ATP10B: variants seen among roughly 807,000 people sequenced by gnomAD.
The protein encoded by ATP10B is ATPase phospholipid transporting 10B (putative).
In ATP10B, 122 loss-of-function variants were observed where a neutral mutation model predicts 141.2. That is an observed-to-expected ratio of 0.86 (90% CI 0.75 to 1.00). ATP10B has a LOEUF of 1.00. Among genes scored for constraint, ATP10B ranks in the 50% least tolerant of loss-of-function variants. The pLI, the probability that ATP10B is intolerant of heterozygous loss-of-function variation, is 0.00. For synonymous variants in ATP10B, 685 were observed against 692.0 expected (o/e 0.99, Z 0.16); for missense variants, 1,876 against 1,825.3 (o/e 1.03, Z -0.51).
chr5:160,735,468 C>T (rs1036765483), intron 2 of ATP10B, among the ~76,000 whole-genome samples: 8 of 152,068 alleles, frequency 5.3e-5, no homozygotes, highest in African/African-American at 1.9e-4. Context: ...TCTACATGCA[C>T]CCAACACTGG....
rs555792717 is a variant in ATP10B at position 160,581,573 on chromosome 5, G to A, written c.3750+8019C>T. On this transcript the variant is annotated intron_variant, in intron 24 of 25. Coordinates refer to ENST00000327245, the MANE Select transcript of ATP10B (RefSeq NM_025153.3). ...TGACGAGTGTTTTACTTCCAATTAT[G>A]TGGTCAATTTTAGAATAAGTGTGAT... 5.3e-5 allele frequency among the ~76,000 whole-genome samples: 8 copies of A among 152,274 alleles called. No individual in the cohort carries two copies. The East Asian group carries it at 1.5e-3, about 29-fold the overall frequency.
chr5:160,735,781 T>C (rs1767075197), intron 2 of ATP10B, among the ~76,000 whole-genome samples: 1 of 152,066 alleles, frequency 6.6e-6, no homozygotes, highest in Non-Finnish European at 1.5e-5. Context: ...AAAATTGAAA[T>C]AATATCAAGC....
chr5:160,927,163 T>C, the ATP10B span, among the ~76,000 whole-genome samples: 7 of 152,210 alleles, frequency 4.6e-5, no homozygotes, highest in African/African-American at 1.7e-4. Context: ...ATTCCAAATG[T>C]AGGCCTCTTC....
chr5:160,789,240 C>T (rs994633092), intron 1 of ATP10B, among the ~76,000 whole-genome samples: 1 of 152,082 alleles, frequency 6.6e-6, no homozygotes, highest in African/African-American at 2.4e-5. Context: ...TTTGAACTAA[C>T]ATTAAGTGCT....
intron 2 of ATP10B, among the ~76,000 whole-genome samples, chr5:160,772,268 C>A (rs1262425245): frequency 6.6e-6 from 1 of 152,234 alleles, no homozygotes; most frequent in East Asian, 1.9e-4. Flanking sequence ...CTTTTCTCCA[C>A]AAGCTCTTCT....
intron 3 of ATP10B, among the ~76,000 whole-genome samples, chr5:160,706,479 T>C (rs1329252374): frequency 6.6e-6 from 1 of 152,152 alleles, no homozygotes; most frequent in Non-Finnish European, 1.5e-5. Flanking sequence ...TAGTCAGTAG[T>C]AGAGTTAAAA....
At chr5:160,614,302 G>C (rs1254242045) in intron 17 of ATP10B, 1 of 152,190 alleles carries the variant, frequency 6.6e-6, no homozygotes, top group Non-Finnish European at 1.5e-5. Flanking sequence ...TTGTGTGAAA[G>C]AGAAAATGAA....
At chr5:160,621,034 T>A in intron 14 of ATP10B, 84 bp from the exon 15 acceptor site, 1 of 1,481,750 alleles carries the variant, frequency 6.7e-7, no homozygotes, top group Non-Finnish European at 9.0e-7. Context: ...ATGAAGGTAC[T>A]TTTGCAATAA....
Position 160,606,960 on chromosome 5 carries a change from C to A in ATP10B, c.2965G>T (p.Ala989Ser). 6.2e-7 allele frequency: 1 copy of A among 1,614,154 alleles called. No individual in the cohort carries two copies. The highest frequency in any genetic ancestry group is 8.5e-7 in the Non-Finnish European group (1 of 1,180,000). ...PSKTPSITSE[A>S]VVPEAGLVID... ...ACCAATCCAGCTTCTGGAACCACAGCTTCTGAGGTGATGGATGGTGTCTTG... is the reference window on the plus strand; with the variant it reads ...ACCAATCCAGCTTCTGGAACCACAGATTCTGAGGTGATGGATGGTGTCTTG... Residue 989 changes from alanine to serine, a missense_variant, in exon 19 of 26, where the codon GCT (alanine) becomes TCT (serine). Coordinates refer to ENST00000327245, the MANE Select transcript of ATP10B (RefSeq NM_025153.3).
At chr5:160,684,971 C>A (rs1464788806) in intron 6 of ATP10B, 1 of 703,336 alleles carries the variant, frequency 1.4e-6, no homozygotes, top group Non-Finnish European at 2.6e-6. Context: ...GGCTGGAAAG[C>A]ATTGACCACA....
intron 1 of ATP10B, among the ~76,000 whole-genome samples, chr5:160,830,014 T>C (rs1421181392): frequency 1.3e-5 from 2 of 152,146 alleles, no homozygotes; most frequent in Non-Finnish European, 2.9e-5. Flanking sequence ...GGAGTGGGCA[T>C]CCTTGTCTTG....
At chr5:160,609,996 A>G (rs1757623546) in intron 18 of ATP10B, among the ~76,000 whole-genome samples, 1 of 152,184 alleles carries the variant, frequency 6.6e-6, no homozygotes, top group Non-Finnish European at 1.5e-5. Flanking sequence ...GTATACAATA[A>G]TTACCATTCA....
chr5:160,872,659 T>G, the ATP10B span, among the ~76,000 whole-genome samples: 1 of 152,348 alleles, frequency 6.6e-6, no homozygotes, highest in East Asian at 1.9e-4. Flanking sequence ...TGTTTTTGTT[T>G]GCTTTGTCGA....
intron 1 of ATP10B, among the ~76,000 whole-genome samples, chr5:160,797,494 C>T (rs934925753): frequency 6.6e-6 from 1 of 152,148 alleles, no homozygotes; most frequent in African/African-American, 2.4e-5. Context: ...TTTCCACTGC[C>T]GATCTTGCCT....
rs975336775 is a variant in ATP10B at position 160,563,838 on chromosome 5, C to T, written c.*1615G>A. ...ACAATTCACATCATCATCACTTTGC[C>T]AGGTATGTGTACCTGCCCCTTATTG... On this transcript the variant is annotated 3_prime_UTR_variant, in exon 26 of 26. Coordinates refer to ENST00000327245, the MANE Select transcript of ATP10B (RefSeq NM_025153.3). 8 of 152,180 alleles carry T rather than the reference C, an allele frequency of 5.3e-5. No individual in the cohort carries two copies. The highest frequency in any genetic ancestry group is 1.9e-4 in the African/African-American group (8 of 41,444). The allele number at this position is 152,180 out of a possible 1,614,324, so 9.4% of individuals were successfully genotyped here.
At chr5:160,651,206 T>C (rs1420070168) in intron 7 of ATP10B, among the ~76,000 whole-genome samples, 1 of 152,168 alleles carries the variant, frequency 6.6e-6, no homozygotes, top group East Asian at 1.9e-4. Context: ...GTCAAACCTA[T>C]TTAAATCTCA....
At chr5:160,893,401 T>G in the ATP10B span, among the ~76,000 whole-genome samples, 1 of 152,082 alleles carries the variant, frequency 6.6e-6, no homozygotes, top group East Asian at 1.9e-4. Context: ...GTAGGAGGTT[T>G]TCCCCTCCCA....
At chr5:160,905,928 G>A in the ATP10B span, among the ~76,000 whole-genome samples, 1 of 152,126 alleles carries the variant, frequency 6.6e-6, no homozygotes, top group Non-Finnish European at 1.5e-5. Context: ...AATGTGGAGA[G>A]AGCTAAGGAA....
chr5:160,640,630 T>C lies in ATP10B; in HGVS notation c.869-38A>G, dbSNP rs377452188. Reference sequence around the variant, plus strand: ...ATGAGGAAATCAGTCCCTTAGTTCCTGTTTGCCTATGTCTTACACCATTCC... The same window carrying C: ...ATGAGGAAATCAGTCCCTTAGTTCCCGTTTGCCTATGTCTTACACCATTCC... On this transcript the variant is annotated intron_variant, in intron 9 of 25. Transcript: ENST00000327245. 22 of 1,610,952 alleles carry C rather than the reference T, an allele frequency of 1.4e-5. No individual in the cohort carries two copies. In the African/African-American group the frequency reaches 2.8e-4, roughly 21 times the overall value.
Sources: allele counts gnomAD v4.1 joint callset (sites outside exome capture counted in the v4.1 genomes callset), GRCh38; gene constraint gnomAD v4.1.1; transcripts MANE v1.5; gene names NCBI Gene and HGNC (gene_info 2026-07-23, HGNC 2026-07-21).